BLNK: variants seen among roughly 807,000 people sequenced by gnomAD.
BLNK encodes B-cell linker protein.
Under a neutral mutation model 73.5 loss-of-function variants are expected in BLNK, and 29 were observed. The observed-to-expected ratio is 0.39, with a 90% CI of 0.29 to 0.54. BLNK has a LOEUF of 0.54. BLNK is among the 20% of genes least tolerant of loss of function. The pLI is 0.61. For missense variants in BLNK, 460 were observed against 562.8 expected, an observed-to-expected ratio of 0.82 and a Z score of 1.85; for synonymous variants, 176 against 200.8, an observed-to-expected ratio of 0.88 and a Z score of 1.04.
intron 11 of BLNK, among the ~76,000 whole-genome samples, chr10:96,205,534 A>T (rs1438792788): frequency 2.0e-5 from 3 of 152,250 alleles, no homozygotes; most frequent in East Asian, 3.8e-4. Context: ...ATTTGTGGCA[A>T]GCTACTTCAA....
chr10:96,191,442 T>C lies in BLNK; in HGVS notation c.*531A>G, dbSNP rs1358165756. Among the ~76,000 whole-genome samples the C allele has an allele frequency of 6.6e-6, 1 of 152,026 alleles. No individual in the cohort carries two copies. Among genetic ancestry groups the C allele is most frequent in the Non-Finnish European group, 1.5e-5 (1 of 68,004 alleles). Reference sequence around the variant, plus strand: ...TATAGAAAGTTCATATCCATATATATATATATCCCATGGTTGAGAGTGCTC... The same window carrying C: ...TATAGAAAGTTCATATCCATATATACATATATCCCATGGTTGAGAGTGCTC... On this transcript the variant is annotated 3_prime_UTR_variant, in exon 17 of 17. Coordinates refer to ENST00000224337, the MANE Select transcript of BLNK (RefSeq NM_013314.4).
intron 2 of BLNK, among the ~76,000 whole-genome samples, 188 bp downstream of exon 2, chr10:96,246,796 A>G (rs537066673): frequency 6.6e-6 from 1 of 152,290 alleles, no homozygotes; most frequent in East Asian, 1.9e-4. Flanking sequence ...ACTGAGTACA[A>G]CTGCACTCAC....
At position 96,223,712 on chromosome 10, in the gene BLNK, G is replaced by A. The variant is rs587757943; in HGVS notation, c.525+114C>T. 7.9e-6 allele frequency: 10 copies of A among 1,265,990 alleles called. No individual in the cohort carries two copies. In the East Asian group the frequency reaches 1.6e-4, roughly 21 times the overall value. The allele number at this position is 1,265,990 out of a possible 1,614,324, so 78.4% of individuals were successfully genotyped here. ...TGGTATAATAGTGGAGAGTTAGAGGGGGCAGTCAATAGCAGGTTGTAAAGA... is the reference window on the plus strand; with the variant it reads ...TGGTATAATAGTGGAGAGTTAGAGGAGGCAGTCAATAGCAGGTTGTAAAGA... On this transcript the variant is annotated intron_variant, in intron 6 of 16. Coordinates refer to ENST00000224337, the MANE Select transcript of BLNK (RefSeq NM_013314.4).
rs587745086 is a variant in BLNK, at chr10:96,224,720, CA to C, written c.362-732del. Among the ~76,000 whole-genome samples the C allele has an allele frequency of 7.0e-3, 1,065 of 152,162 alleles. 5 individuals carry two copies. Among genetic ancestry groups the C allele is most frequent in the Middle Eastern group, 0.02 (6 of 294 alleles). On this transcript the variant is annotated intron_variant, in intron 5 of 16. Coordinates refer to ENST00000224337, the MANE Select transcript of BLNK (RefSeq NM_013314.4). ...TTTTTAATTTTTTATTTTTTTGAGA[CA>C]AAGTCTTGCTCTGTTGCCCAGGCTG...
chr10:96,229,465 T>C (rs1842411747), intron 4 of BLNK, among the ~76,000 whole-genome samples: 1 of 152,126 alleles, frequency 6.6e-6, no homozygotes, highest in Non-Finnish European at 1.5e-5. Context: ...GCTTACTCAG[T>C]CTTTAGTACA....
chr10:96,208,585 A>G (rs782652790), intron 9 of BLNK, among the ~76,000 whole-genome samples: 6 of 152,016 alleles, frequency 3.9e-5, no homozygotes, highest in South Asian at 2.1e-4. Flanking sequence ...CTGTAAGTCA[A>G]TGAACTCAAG....
chr10:96,215,116 C>A (rs1363656324), intron 8 of BLNK, among the ~76,000 whole-genome samples: 2 of 152,138 alleles, frequency 1.3e-5, no homozygotes, highest in Admixed American at 1.3e-4. Context: ...GGGTGAAAAC[C>A]AGAACTTGTC....
chr10:96,262,272 G>A (rs1163464670), intron 1 of BLNK, among the ~76,000 whole-genome samples: 1 of 152,144 alleles, frequency 6.6e-6, no homozygotes, highest in Non-Finnish European at 1.5e-5. Context: ...CCAGAACATT[G>A]AGACACTGCC....
intron 8 of BLNK, among the ~76,000 whole-genome samples, chr10:96,211,971 G>T (rs782774637): frequency 1.3e-5 from 2 of 152,058 alleles, no homozygotes; most frequent in African/African-American, 4.8e-5. Context: ...TCATCCCAGG[G>T]GTTTTCCCTC....
chr10:96,254,549 C>G (rs952043606), intron 1 of BLNK, among the ~76,000 whole-genome samples: 1 of 151,822 alleles, frequency 6.6e-6, no homozygotes. Context: ...TCGCTCTTGT[C>G]CCCCAGGCTG....
intron 3 of BLNK, among the ~76,000 whole-genome samples, chr10:96,238,308 C>T (rs1215169187): frequency 6.6e-6 from 1 of 152,162 alleles, no homozygotes; most frequent in Admixed American, 6.5e-5. Context: ...CTCTGAAGGT[C>T]AGCATCACCA....
In BLNK at chr10:96,271,514, AG is replaced by A. The variant is rs1554915804; in HGVS notation, c.-117del. ...TGGTCTCAAGGGTTCCGGCCACTCA[AG>A]TCTGATTTCTGAGAGTGCAGGCTGC... On this transcript the variant is annotated 5_prime_UTR_variant, in exon 1 of 17. Transcript: ENST00000224337. 1.8e-6 allele frequency: 2 copies of A among 1,113,896 alleles called. No homozygotes were observed. The highest frequency in any genetic ancestry group is 3.1e-5 in the African/African-American group (2 of 64,634). 69.0% of individuals were successfully genotyped at this position (1,113,896 alleles called of 1,614,324 possible). A position where few individuals can be genotyped will look rare whatever the true frequency, so the allele number is the denominator to read the frequency against.
At position 96,271,424 on chromosome 10, in the gene BLNK, G is replaced by A. The variant is rs190189586; in HGVS notation, c.-26C>T. ...TCTGTTTGGTAATTGTAAGAGACAC[G>A]AATAACTGTCCAGTGGTCACGTCAG... On this transcript the variant is annotated 5_prime_UTR_variant, in exon 1 of 17. Coordinates refer to ENST00000224337, the MANE Select transcript of BLNK (RefSeq NM_013314.4). The A allele has an allele frequency of 2.3e-3, 3,745 of 1,613,028 alleles. 15 individuals carry two copies. Among genetic ancestry groups the A allele is most frequent in the African/African-American group, 0.012 (879 of 75,002 alleles).
chr10:96,242,084 T>G (rs587690015), intron 3 of BLNK, among the ~76,000 whole-genome samples: 25 of 152,170 alleles, frequency 1.6e-4, no homozygotes, highest in Admixed American at 1.6e-3. Context: ...TCATCTTGCA[T>G]TGTAGCTCCC....
chr10:96,244,670 C>G (rs560867774), intron 2 of BLNK, among the ~76,000 whole-genome samples: 2 of 152,160 alleles, frequency 1.3e-5, no homozygotes, highest in Non-Finnish European at 2.9e-5. Context: ...GGGCCCCTGA[C>G]GTCACCCGGG....
chr10:96,256,898 AAG>A (rs1843540227), intron 1 of BLNK, among the ~76,000 whole-genome samples: 1 of 151,510 alleles, frequency 6.6e-6, no homozygotes. Context: ...AAAAAAAAAA[AAG>A]CAGCAGAAGA....
rs80188740 is a variant in BLNK, at chr10:96,207,887, C to T, written c.759G>A (p.Thr253=). The change falls in exon 10 of 17, where the codon ACG becomes ACA. Residue 253 remains threonine (T), a synonymous_variant. Transcript: ENST00000224337. Reference sequence around the variant, plus strand: ...ATTAACTTACTGTCTTCAGTGGTGTCGTTGGTTTTTTCCTGGGGAATAAAA... The same window carrying T: ...ATTAACTTACTGTCTTCAGTGGTGTTGTTGGTTTTTTCCTGGGGAATAAAA... ...SPLPRAGKKP[T]TPLKTTPVAS... 184 of 1,614,056 alleles carry T rather than the reference C, an allele frequency of 1.1e-4. No homozygotes were observed. In the African/African-American group the frequency reaches 1.8e-3, roughly 16 times the overall value.
At chr10:96,194,685 G>A (rs369376069) in intron 16 of BLNK, among the ~76,000 whole-genome samples, 2 of 150,220 alleles carry the variant, frequency 1.3e-5, no homozygotes, top group East Asian at 3.9e-4. Flanking sequence ...AAATGGAATA[G>A]ACATTTCTCT....
intron 9 of BLNK, among the ~76,000 whole-genome samples, chr10:96,209,250 T>G (rs1167096467): frequency 1.4e-4 from 21 of 152,072 alleles, no homozygotes. Context: ...AGACAAAACC[T>G]GCTAGAGGCT....
Sources: gnomAD v4.1 joint callset for allele counts (sites outside exome capture counted in the v4.1 genomes callset) on GRCh38, gnomAD v4.1.1 for gene constraint, MANE v1.5 for transcripts, NCBI Gene and HGNC (gene_info 2026-07-23, HGNC 2026-07-21) for gene names.